The following C14orf132 variants were observed in gnomAD, a reference collection of about 807,000 sequenced individuals.
C14orf132 encodes the protein uncharacterized protein C14orf132.
C14orf132 carries 6 observed loss-of-function variants against 5.8 expected under a neutral mutation model. The observed-to-expected ratio is 1.03, with a 90% CI of 0.57 to 2.04. The LOEUF (loss-of-function observed/expected upper bound fraction) is 2.04, where lower values mean the gene tolerates loss of function less well. Ranked by LOEUF, C14orf132 falls within the 30% of genes most tolerant of loss-of-function variation. The pLI is 0.00. For missense variants in C14orf132, 125 were observed against 115.8 expected, an observed-to-expected ratio of 1.08 and a Z score of -0.37; for synonymous variants, 51 against 49.8, an observed-to-expected ratio of 1.02 and a Z score of -0.10.
rs541318355 is a variant in C14orf132, at chr14:96,041,113, C to A, written c.27+1586C>A. ...TTTTGTTTACAATTCACATTCCACT[C>A]GGTCAATGTATTCTCCTTGACACAT... On this transcript the variant is annotated intron_variant, in intron 1 of 1. Coordinates refer to ENST00000555004, the MANE Select transcript of C14orf132 (RefSeq NM_001252507.3). Among the ~76,000 whole-genome samples, 8 of 152,320 alleles carry A rather than the reference C, an allele frequency of 5.3e-5. No individual in the cohort carries two copies. In the South Asian group the frequency reaches 1.2e-3, roughly 24 times the overall value.
chr14:96,066,900 T>C (rs1247812472), intron 1 of C14orf132, among the ~76,000 whole-genome samples: 1 of 152,214 alleles, frequency 6.6e-6, no homozygotes, highest in African/African-American at 2.4e-5. Flanking sequence ...GAGAAAGCTG[T>C]TAATTCAACC....
At chr14:96,082,712 C>T (rs1888062910) in intron 1 of C14orf132, among the ~76,000 whole-genome samples, 1 of 152,164 alleles carries the variant, frequency 6.6e-6, no homozygotes, top group Admixed American at 6.5e-5. Context: ...TTCCTGATTT[C>T]CTCACTTTAG....
At chr14:96,058,582 G>T (rs1887250154) in intron 1 of C14orf132, among the ~76,000 whole-genome samples, 1 of 152,106 alleles carries the variant, frequency 6.6e-6, no homozygotes, top group Non-Finnish European at 1.5e-5. Context: ...TAACATTGTG[G>T]CTTTTCCCAC....
At position 96,039,450 on chromosome 14, in the gene C14orf132, C is replaced by G; in HGVS notation, c.-51C>G. On this transcript the variant is annotated 5_prime_UTR_variant, in exon 1 of 2. Transcript: ENST00000555004. This position sits in a 1 kb window ranked among gnomAD's most constrained non-coding sequence, Gnocchi z 5.3. ...CCGCCAACTGTGCAGGCGGCTGACC[C>G]GCAGCGGCAGCGGCAGCAGCGAGGA... is the stretch of plus-strand genomic sequence containing the variant. The G allele has an allele frequency of 6.8e-7, 1 of 1,476,994 alleles. No homozygotes were observed. The highest frequency in any genetic ancestry group is 2.2e-5 in the Admixed American group (1 of 46,356). 91.5% of individuals were successfully genotyped at this position (1,476,994 alleles called of 1,614,324 possible).
At chr14:96,071,141 C>A (rs1166816445) in intron 1 of C14orf132, among the ~76,000 whole-genome samples, 4 of 152,160 alleles carry the variant, frequency 2.6e-5, no homozygotes, top group Non-Finnish European at 4.4e-5. Context: ...AGGAAACTTA[C>A]AATCATGGCG....
intron 1 of C14orf132, among the ~76,000 whole-genome samples, chr14:96,081,334 T>C (rs1004535365): frequency 2.0e-5 from 3 of 152,236 alleles, no homozygotes; most frequent in African/African-American, 4.8e-5. Flanking sequence ...TTATTTCCTC[T>C]GTTTTTAACT....
intron 1 of C14orf132, among the ~76,000 whole-genome samples, chr14:96,074,058 G>T (rs1435298961): frequency 1.3e-5 from 2 of 152,176 alleles, no homozygotes; most frequent in Non-Finnish European, 2.9e-5. Flanking sequence ...GCATCAGAAA[G>T]AATAGCTAAT....
chr14:96,091,300 A>C lies in C14orf132; in HGVS notation c.*4565A>C. On this transcript the variant is annotated 3_prime_UTR_variant, in exon 2 of 2. Transcript: ENST00000555004. ...CCACATTCAAGTGTAAGTCCAGGAAAGGGGCAGGCGGCAGTGCACAGGGAT... is the reference window on the plus strand; with the variant it reads ...CCACATTCAAGTGTAAGTCCAGGAACGGGGCAGGCGGCAGTGCACAGGGAT... 2.9e-6 allele frequency: 1 copy of C among 340,996 alleles called. No homozygotes were observed. Among genetic ancestry groups the C allele is most frequent in the Non-Finnish European group, 5.7e-6 (1 of 175,212 alleles). The allele number at this position is 340,996 out of a possible 1,614,324, so 21.1% of individuals were successfully genotyped here. A position where few individuals can be genotyped will look rare whatever the true frequency, so the allele number is the denominator to read the frequency against.
intron 1 of C14orf132, among the ~76,000 whole-genome samples, chr14:96,084,426 T>C (rs1209263173): frequency 6.6e-6 from 1 of 152,110 alleles, no homozygotes; most frequent in Non-Finnish European, 1.5e-5. Context: ...GGCCTTCTGT[T>C]GTGGACAGGT....
intron 1 of C14orf132, among the ~76,000 whole-genome samples, chr14:96,054,028 G>T (rs1441108023): frequency 6.6e-6 from 1 of 152,130 alleles, no homozygotes; most frequent in African/African-American, 2.4e-5. Context: ...CTTAATAAAT[G>T]CCCGCAGTGA....
chr14:96,050,068 T>C (rs1886986049), intron 1 of C14orf132, among the ~76,000 whole-genome samples: 1 of 152,206 alleles, frequency 6.6e-6, no homozygotes, highest in Non-Finnish European at 1.5e-5. Flanking sequence ...ATTCTAAATA[T>C]GTCAATTCTG....
chr14:96,084,976 G>A (rs572641235), intron 1 of C14orf132, among the ~76,000 whole-genome samples: 37 of 152,300 alleles, frequency 2.4e-4, no homozygotes, highest in African/African-American at 6.7e-4. Flanking sequence ...GCCCAGGCAC[G>A]TGTGTGCCTC....
At chr14:96,068,869 T>C (rs890428830) in intron 1 of C14orf132, among the ~76,000 whole-genome samples, 2 of 151,970 alleles carry the variant, frequency 1.3e-5, no homozygotes, top group African/African-American at 4.8e-5. Flanking sequence ...AGCATTTCAA[T>C]CTATGGACCC....
At chr14:96,063,787 CCA>C (rs1887432925) in intron 1 of C14orf132, among the ~76,000 whole-genome samples, 1 of 152,076 alleles carries the variant, frequency 6.6e-6, no homozygotes, top group African/African-American at 2.4e-5. Flanking sequence ...AACAGACAAC[CCA>C]CAGAGTGGGA....
chr14:96,061,264 T>C (rs8017769), intron 1 of C14orf132, among the ~76,000 whole-genome samples: 109,555 of 152,114 alleles, frequency 0.72, 40,336 homozygotes, highest in East Asian at 0.89. Context: ...AGGGATTAGT[T>C]CACAGTCACA....
chr14:96,086,408 G>A (rs1002004028), intron 1 of C14orf132, 103 bp from the exon 2 acceptor site: 5 of 1,002,198 alleles, frequency 5.0e-6, no homozygotes, highest in Admixed American at 2.2e-5. Flanking sequence ...AGTAGAGATC[G>A]TAGCTTCATG....
chr14:96,044,815 T>G (rs1595166053), intron 1 of C14orf132, among the ~76,000 whole-genome samples: 2 of 152,228 alleles, frequency 1.3e-5, no homozygotes, highest in Non-Finnish European at 2.9e-5. Context: ...TCTCATCTTA[T>G]GAGGACACCA....
At chr14:96,057,434 T>G (rs1454111847) in intron 1 of C14orf132, among the ~76,000 whole-genome samples, 1 of 152,210 alleles carries the variant, frequency 6.6e-6, no homozygotes, top group Non-Finnish European at 1.5e-5. Flanking sequence ...AATTGCCTAG[T>G]CTGTGGGATT....
chr14:96,052,751 T>C (rs964157941), intron 1 of C14orf132, among the ~76,000 whole-genome samples: 4 of 151,750 alleles, frequency 2.6e-5, no homozygotes, highest in Non-Finnish European at 4.4e-5. Context: ...CCCTCTCTTG[T>C]CCCCCTGCAA....
Sources: gnomAD v4.1 joint callset for allele counts (sites outside exome capture counted in the v4.1 genomes callset) on GRCh38, gnomAD v4.1.1 for gene constraint, Gnocchi (gnomAD v3.1) non-coding constraint, MANE v1.5 for transcripts, NCBI Gene and HGNC (gene_info 2026-07-23, HGNC 2026-07-21) for gene names.